Variants in HS3ST2 observed in about 807,000 individuals in gnomAD.
The protein encoded by HS3ST2 is heparan sulfate-glucosamine 3-sulfotransferase 2.
In HS3ST2, 17 loss-of-function variants were observed where a neutral mutation model predicts 26.3. The observed-to-expected ratio is 0.65, with a 90% CI of 0.44 to 0.97. The LOEUF is 0.97. HS3ST2 is among the 50% of genes least tolerant of loss of function. The pLI is 0.00. For missense variants in HS3ST2, 402 were observed against 501.2 expected (o/e 0.80, Z 1.89); for synonymous variants, 237 against 219.2 (o/e 1.08, Z -0.72).
At chr16:22,886,249 A>T (rs1902056385) in intron 1 of HS3ST2, among the ~76,000 whole-genome samples, 1 of 152,244 alleles carries the variant, frequency 6.6e-6, no homozygotes. Flanking sequence ...TAGAGCAATA[A>T]ACAAATTGAA....
chr16:22,879,160 A>G (rs1596623642), intron 1 of HS3ST2, among the ~76,000 whole-genome samples: 1 of 152,190 alleles, frequency 6.6e-6, no homozygotes, highest in Non-Finnish European at 1.5e-5. Context: ...CAACAGTGCT[A>G]TGTCGTCAAT....
chr16:22,815,022 C>T lies in HS3ST2; in HGVS notation c.412C>T (p.Pro138Ser). The T allele has an allele frequency of 6.2e-7, 1 of 1,613,138 alleles. No individual in the cohort carries two copies. The highest frequency in any genetic ancestry group is 8.5e-7 in the Non-Finnish European group (1 of 1,180,006). Residue 138 changes from proline to serine, a missense_variant, in exon 1 of 2, where the codon CCG (proline) becomes TCG (serine). Around this residue, in one of 2 missense-constraint regions of HS3ST2, gnomAD observed 237 missense variants for 346.6 expected, o/e 0.68. Coordinates refer to ENST00000261374, the MANE Select transcript of HS3ST2 (RefSeq NM_006043.2). ...CGTGCTGGAGTTTATCCGAGTACAC[C>T]CGGACGTGCGGGCCTTGGGCACGGA... is the stretch of plus-strand genomic sequence containing the variant. ...RAVLEFIRVH[P>S]DVRALGTEPH...
intron 1 of HS3ST2, among the ~76,000 whole-genome samples, chr16:22,852,757 C>A (rs1204797079): frequency 6.6e-6 from 1 of 152,206 alleles, no homozygotes; most frequent in South Asian, 2.1e-4. Context: ...GCTTGACTCT[C>A]CAGCCCTAAG....
At chr16:22,837,324 G>A (rs1901273515) in intron 1 of HS3ST2, among the ~76,000 whole-genome samples, 1 of 151,612 alleles carries the variant, frequency 6.6e-6, no homozygotes, top group African/African-American at 2.4e-5. Context: ...TGTGCAAAGT[G>A]CTTAGAGGAA....
At chr16:22,855,180 T>A (rs1041863723) in intron 1 of HS3ST2, among the ~76,000 whole-genome samples, 1 of 152,136 alleles carries the variant, frequency 6.6e-6, no homozygotes, top group Non-Finnish European at 1.5e-5. Context: ...AGGCCTCACA[T>A]TTCTCCCCTT....
intron 1 of HS3ST2, among the ~76,000 whole-genome samples, chr16:22,872,698 A>T (rs1901854463): frequency 6.6e-6 from 1 of 152,208 alleles, no homozygotes; most frequent in Non-Finnish European, 1.5e-5. Context: ...CCGCTGGGTG[A>T]TGGACTGCCT....
chr16:22,816,385 A>G (rs976468555), intron 1 of HS3ST2, among the ~76,000 whole-genome samples: 1 of 152,216 alleles, frequency 6.6e-6, no homozygotes, highest in Non-Finnish European at 1.5e-5. Context: ...CACTGGGCTT[A>G]TAATAGAGGG....
At chr16:22,828,478 G>A (rs1041470690) in intron 1 of HS3ST2, among the ~76,000 whole-genome samples, 3 of 152,150 alleles carry the variant, frequency 2.0e-5, no homozygotes, top group African/African-American at 7.2e-5. Flanking sequence ...ACCTTCCTGC[G>A]AGATAGTCAA....
At chr16:22,887,279 A>G (rs1047871505) in intron 1 of HS3ST2, among the ~76,000 whole-genome samples, 12 of 152,192 alleles carry the variant, frequency 7.9e-5, no homozygotes, top group Non-Finnish European at 1.6e-4. Context: ...CATAACAGAA[A>G]TCTATTTCTC....
intron 1 of HS3ST2, among the ~76,000 whole-genome samples, chr16:22,837,566 C>CACAG (rs1901283470): frequency 2.2e-5 from 3 of 134,002 alleles, no homozygotes; most frequent in Non-Finnish European, 4.8e-5. Flanking sequence ...TATATATATA[C>CACAG]ATATATATAT....
intron 1 of HS3ST2, among the ~76,000 whole-genome samples, chr16:22,897,452 G>A (rs1902225665): frequency 6.6e-6 from 1 of 152,130 alleles, no homozygotes; most frequent in Non-Finnish European, 1.5e-5. Flanking sequence ...TTGAGTCAGA[G>A]GCTCCCAAAC....
chr16:22,837,387 T>C (rs2141180502), intron 1 of HS3ST2, among the ~76,000 whole-genome samples: 1 of 151,938 alleles, frequency 6.6e-6, no homozygotes, highest in African/African-American at 2.4e-5. Context: ...GATATTGCAG[T>C]AGTCATCCCT....
intron 1 of HS3ST2, chr16:22,833,565 A>C: frequency 3.0e-6 from 1 of 334,042 alleles, no homozygotes; most frequent in Non-Finnish European, 5.9e-6. Flanking sequence ...TGGGGAGTCT[A>C]CTACTCTAAA....
chr16:22,845,795 A>T (rs1258526322), intron 1 of HS3ST2, among the ~76,000 whole-genome samples: 1 of 152,224 alleles, frequency 6.6e-6, no homozygotes, highest in Non-Finnish European at 1.5e-5. Flanking sequence ...GATGCTGAAG[A>T]TAAGGCTTTT....
At chr16:22,850,900 C>G (rs1319452713) in intron 1 of HS3ST2, among the ~76,000 whole-genome samples, 1 of 152,206 alleles carries the variant, frequency 6.6e-6, no homozygotes, top group Non-Finnish European at 1.5e-5. Flanking sequence ...CTGTAACCAT[C>G]TGAGGGTTCT....
intron 1 of HS3ST2, among the ~76,000 whole-genome samples, chr16:22,914,735 T>A (rs1371934787): frequency 5.2e-5 from 1 of 19,258 alleles, no homozygotes; most frequent in African/African-American, 4.5e-4. Flanking sequence ...AGACCTTGTC[T>A]CAAAAAAAAA....
chr16:22,883,125 C>T (rs1272761939), intron 1 of HS3ST2, among the ~76,000 whole-genome samples: 1 of 151,992 alleles, frequency 6.6e-6, no homozygotes. Context: ...ATAGTGCTTG[C>T]AGAATATTAT....
intron 1 of HS3ST2, among the ~76,000 whole-genome samples, chr16:22,889,335 T>C (rs1902102850): frequency 6.6e-6 from 1 of 152,226 alleles, no homozygotes; most frequent in Non-Finnish European, 1.5e-5. Context: ...TCCTGTAACA[T>C]GTGCCAACAC....
intron 1 of HS3ST2, among the ~76,000 whole-genome samples, chr16:22,882,359 C>T (rs144184806): frequency 1.3e-3 from 205 of 152,178 alleles, no homozygotes; most frequent in South Asian, 5.0e-3. Flanking sequence ...AAGACCCCAT[C>T]TCAAAAAATT....
Sources: allele counts gnomAD v4.1 joint callset (sites outside exome capture counted in the v4.1 genomes callset), GRCh38; gene constraint gnomAD v4.1.1; regional missense constraint gnomAD v4.1.1; transcripts MANE v1.5; gene names NCBI Gene and HGNC (gene_info 2026-07-23, HGNC 2026-07-21).